Variants in USH2A observed in about 807,000 individuals in gnomAD.
The protein encoded by USH2A is usherin.
A neutral mutation model predicts 538.9 loss-of-function variants in USH2A; 443 were observed. The observed-to-expected ratio is 0.82, with a 90% CI of 0.76 to 0.89. The LOEUF is 0.89. Among genes scored for constraint, USH2A ranks in the 40% least tolerant of loss-of-function variants. The pLI is 0.00. For missense variants in USH2A, 6,633 were observed against 6,324.8 expected (o/e 1.05, Z -1.65); for synonymous variants, 2,413 against 2,273.5 (o/e 1.06, Z -1.75).
Position 216,398,440 on chromosome 1 carries a change from C to A in USH2A, c.651+20074G>T, listed in dbSNP as rs577314194. ...CCAAGGAAAGGCTTATTTTCCTAGACAGAAGATCAGGAAAATGTTGGCCTA... is the reference window on the plus strand; with the variant it reads ...CCAAGGAAAGGCTTATTTTCCTAGAAAGAAGATCAGGAAAATGTTGGCCTA... On this transcript the variant is annotated intron_variant, in intron 3 of 71. Coordinates refer to ENST00000307340, the MANE Select transcript of USH2A (RefSeq NM_206933.4). Among the ~76,000 whole-genome samples, 262 of 152,200 alleles carry A rather than the reference C, an allele frequency of 1.7e-3. 2 individuals are homozygous for A. The highest frequency in any genetic ancestry group is 6.0e-3 in the African/African-American group (250 of 41,534).
chr1:216,299,295 A>G (rs2037168410), intron 9 of USH2A, among the ~76,000 whole-genome samples: 1 of 152,106 alleles, frequency 6.6e-6, no homozygotes, highest in African/African-American at 2.4e-5. Flanking sequence ...TAACATTTAT[A>G]AATATAAATA....
intron 32 of USH2A, among the ~76,000 whole-genome samples, chr1:216,024,695 C>A (rs1668922973): frequency 1.3e-5 from 2 of 151,904 alleles, no homozygotes; most frequent in African/African-American, 4.8e-5. Flanking sequence ...ATTTGTTGGA[C>A]AGCTACTTTG....
intron 15 of USH2A, among the ~76,000 whole-genome samples, chr1:216,209,260 G>T (rs914667158): frequency 1.3e-5 from 2 of 152,190 alleles, no homozygotes; most frequent in Non-Finnish European, 2.9e-5. Context: ...CAGTTAGCTT[G>T]AGGCTGCTTC....
chr1:216,287,526 G>A (rs371227403), intron 11 of USH2A, among the ~76,000 whole-genome samples: 2 of 152,026 alleles, frequency 1.3e-5, no homozygotes, highest in African/African-American at 4.8e-5. Flanking sequence ...ATTGATTATG[G>A]TGGCCTTTTT....
intron 32 of USH2A, among the ~76,000 whole-genome samples, chr1:216,024,027 C>G (rs939193876): frequency 1.3e-5 from 2 of 151,950 alleles, no homozygotes; most frequent in Admixed American, 6.6e-5. Flanking sequence ...TGGTACTAGC[C>G]ATATCTGAGT....
Position 216,097,227 on chromosome 1 carries a change from T to C in USH2A, c.4628-14A>G. 8.1e-6 allele frequency: 13 copies of C among 1,614,038 alleles called. No individual in the cohort carries two copies. The highest frequency in any genetic ancestry group is 1.1e-5 in the Non-Finnish European group (13 of 1,179,952). On this transcript the variant is annotated splice_polypyrimidine_tract_variant and intron_variant, in intron 21 of 71. Transcript: ENST00000307340. Reference sequence around the variant, plus strand: ...TGGCCTTAATGCCTGGTAAGACAAGTGTGATCAGCAAATCAGTGCTGGGGT... The same window carrying C: ...TGGCCTTAATGCCTGGTAAGACAAGCGTGATCAGCAAATCAGTGCTGGGGT...
intron 21 of USH2A, among the ~76,000 whole-genome samples, chr1:216,155,046 CTG>C (rs578058823): frequency 6.6e-6 from 1 of 151,932 alleles, no homozygotes; most frequent in Non-Finnish European, 1.5e-5. Context: ...TAGGATGAAA[CTG>C]ATTTTACAAA....
intron 21 of USH2A, among the ~76,000 whole-genome samples, chr1:216,126,692 T>TAAG (rs1322783264): frequency 6.6e-6 from 1 of 151,898 alleles, no homozygotes; most frequent in African/African-American, 2.4e-5. Flanking sequence ...ATTTTTGCAA[T>TAAG]AATAATAATA....
intron 35 of USH2A, among the ~76,000 whole-genome samples, chr1:215,985,633 A>G (rs1338332253): frequency 6.6e-6 from 1 of 152,148 alleles, no homozygotes; most frequent in Admixed American, 6.6e-5. Context: ...TAATGTTATT[A>G]TTGTTAACAG....
intron 11 of USH2A, among the ~76,000 whole-genome samples, chr1:216,273,298 G>A (rs1225736386): frequency 6.6e-6 from 1 of 152,054 alleles, no homozygotes; most frequent in Non-Finnish European, 1.5e-5. Flanking sequence ...TCTGCAGTGG[G>A]AACTGAAGAG....
intron 11 of USH2A, among the ~76,000 whole-genome samples, chr1:216,287,008 C>A (rs1476598778): frequency 6.6e-6 from 1 of 152,014 alleles, no homozygotes; most frequent in Non-Finnish European, 1.5e-5. Flanking sequence ...AACCATAGAG[C>A]AATATTTCTT....
At chr1:216,103,061 C>T (rs139738918) in intron 21 of USH2A, among the ~76,000 whole-genome samples, 23 of 152,252 alleles carry the variant, frequency 1.5e-4, no homozygotes, top group African/African-American at 4.6e-4. Context: ...GTAAGAGATA[C>T]TAAGTACACA....
intron 66 of USH2A, among the ~76,000 whole-genome samples, chr1:215,648,225 A>G (rs1207114676): frequency 6.6e-6 from 1 of 152,222 alleles, no homozygotes; most frequent in Non-Finnish European, 1.5e-5. Context: ...CCAGATAACC[A>G]TTAGGAAGAG....
intron 3 of USH2A, among the ~76,000 whole-genome samples, chr1:216,368,305 A>G (rs2038637965): frequency 6.6e-6 from 1 of 152,040 alleles, no homozygotes; most frequent in South Asian, 2.1e-4. Context: ...GTTACACAAT[A>G]TCTCAGTACC....
chr1:215,780,518 C>A (rs1467695629), intron 54 of USH2A, among the ~76,000 whole-genome samples: 1 of 152,230 alleles, frequency 6.6e-6, no homozygotes, highest in East Asian at 1.9e-4. Context: ...TTTCGGTACT[C>A]TTCCCATGAT....
At chr1:215,712,988 G>T (rs1659382331) in intron 61 of USH2A, among the ~76,000 whole-genome samples, 1 of 152,064 alleles carries the variant, frequency 6.6e-6, no homozygotes, top group African/African-American at 2.4e-5. Flanking sequence ...TGTATTTTTA[G>T]TAGAGATGGG....
intron 32 of USH2A, among the ~76,000 whole-genome samples, chr1:216,029,966 A>G (rs555029999): frequency 6.7e-6 from 1 of 149,106 alleles, no homozygotes; most frequent in Non-Finnish European, 1.5e-5. Context: ...TGTGATAGAT[A>G]GATAGAGAGA....
At chr1:216,330,665 C>A (rs79788220) in intron 4 of USH2A, among the ~76,000 whole-genome samples, 1 of 151,780 alleles carries the variant, frequency 6.6e-6, no homozygotes, top group South Asian at 2.1e-4. Context: ...AGTCTAATAG[C>A]CTACTGTAAG....
chr1:216,254,375 C>G (rs895233578), intron 11 of USH2A, among the ~76,000 whole-genome samples: 1 of 151,998 alleles, frequency 6.6e-6, no homozygotes, highest in African/African-American at 2.4e-5. Flanking sequence ...CAATTGCTGT[C>G]CACCAAGAAG....
Sources: gnomAD v4.1 joint callset for allele counts (sites outside exome capture counted in the v4.1 genomes callset) on GRCh38, gnomAD v4.1.1 for gene constraint, MANE v1.5 for transcripts, NCBI Gene and HGNC (gene_info 2026-07-23, HGNC 2026-07-21) for gene names.